Variants in RAB7A observed in about 807,000 individuals in gnomAD.
The protein encoded by RAB7A is ras-related protein Rab-7a.
Under a neutral mutation model 24.5 loss-of-function variants are expected in RAB7A, and 2 were observed. The observed-to-expected ratio is 0.08, with a 90% CI of 0.03 to 0.26. The LOEUF (loss-of-function observed/expected upper bound fraction) is 0.26, where lower values mean the gene tolerates loss of function less well. RAB7A is among the 10% of genes least tolerant of loss of function. The pLI, the probability that RAB7A is intolerant of heterozygous loss-of-function variation, is 1.00. For synonymous variants in RAB7A, 100 were observed against 95.9 expected, an observed-to-expected ratio of 1.04 and a Z score of -0.25; for missense variants, 118 against 255.7, an observed-to-expected ratio of 0.46 and a Z score of 3.67.
At chr3:128,731,726 G>T (rs1004825587) in intron 1 of RAB7A, among the ~76,000 whole-genome samples, 4 of 152,014 alleles carry the variant, frequency 2.6e-5, no homozygotes, top group African/African-American at 9.7e-5. Context: ...TGTATCTTTC[G>T]GCCGGGGGCG....
At chr3:128,756,879 TGTC>T in intron 1 of RAB7A, among the ~76,000 whole-genome samples, 1 of 151,476 alleles carries the variant, frequency 6.6e-6, no homozygotes, top group Non-Finnish European at 1.5e-5. Flanking sequence ...AGTTGCGCTC[TGTC>T]ACCCACGCTG....
At chr3:128,735,909 T>A (rs1010957482) in intron 1 of RAB7A, among the ~76,000 whole-genome samples, 1 of 152,220 alleles carries the variant, frequency 6.6e-6, no homozygotes, top group African/African-American at 2.4e-5. Flanking sequence ...AACTTTTGGC[T>A]TAGTACCTGG....
intron 1 of RAB7A, among the ~76,000 whole-genome samples, chr3:128,742,675 T>C (rs1166515857): frequency 6.6e-6 from 1 of 152,032 alleles, no homozygotes; most frequent in African/African-American, 2.4e-5. Context: ...GATTGGTGCG[T>C]TTACAAACCT....
chr3:128,788,255 A>G (rs956166057), intron 1 of RAB7A, among the ~76,000 whole-genome samples: 2 of 152,248 alleles, frequency 1.3e-5, no homozygotes, highest in Non-Finnish European at 2.9e-5. Flanking sequence ...GCCACAGAGA[A>G]GCTCTTGAAG....
chr3:128,796,233 A>G (rs917616142), intron 2 of RAB7A, among the ~76,000 whole-genome samples: 4 of 152,108 alleles, frequency 2.6e-5, no homozygotes, highest in African/African-American at 7.2e-5. Flanking sequence ...GCTTATGCCC[A>G]TAATCCCAGT....
chr3:128,807,089 G>T (rs1197879748), intron 4 of RAB7A, among the ~76,000 whole-genome samples: 5 of 152,296 alleles, frequency 3.3e-5, no homozygotes, highest in South Asian at 2.1e-4. Flanking sequence ...GCTGAAAATG[G>T]GCTAGGGGTT....
intron 1 of RAB7A, among the ~76,000 whole-genome samples, chr3:128,769,867 C>G (rs1473805773): frequency 1.3e-5 from 2 of 152,158 alleles, no homozygotes; most frequent in Non-Finnish European, 2.9e-5. Flanking sequence ...TGGTTAACAT[C>G]AGGTTACTTT....
chr3:128,787,027 C>T lies in RAB7A; in HGVS notation c.-8-8333C>T, dbSNP rs140238494. ...ACCATTTGAAGGAAAACTAGAAAGA[C>T]ATATACTCTAATACTAATAGTGATT... On this transcript the variant is annotated intron_variant, in intron 1 of 5. Coordinates refer to ENST00000265062, the MANE Select transcript of RAB7A (RefSeq NM_004637.6). Among the ~76,000 whole-genome samples, 430 of 152,264 alleles carry T rather than the reference C, an allele frequency of 2.8e-3. 1 individual carries two copies. The highest frequency in any genetic ancestry group is 9.5e-3 in the African/African-American group (393 of 41,572).
At chr3:128,751,245 C>A (rs2070678318) in intron 1 of RAB7A, among the ~76,000 whole-genome samples, 1 of 152,200 alleles carries the variant, frequency 6.6e-6, no homozygotes, top group South Asian at 2.1e-4. Context: ...CACCATCCTT[C>A]AGACCCCAGA....
intron 1 of RAB7A, chr3:128,764,829 C>T: frequency 1.0e-6 from 1 of 996,480 alleles, no homozygotes; most frequent in Non-Finnish European, 1.6e-6. Context: ...CATGTTCCCT[C>T]TCCTCATGAG....
chr3:128,806,254 C>A, intron 3 of RAB7A, 118 bp from the exon 4 acceptor site: 1 of 827,570 alleles, frequency 1.2e-6, no homozygotes, highest in Non-Finnish European at 1.9e-6. Flanking sequence ...AGTCTGGTGT[C>A]ATTTGTCTTT....
At chr3:128,741,760 T>C (rs2070556456) in intron 1 of RAB7A, among the ~76,000 whole-genome samples, 1 of 152,232 alleles carries the variant, frequency 6.6e-6, no homozygotes, top group African/African-American at 2.4e-5. Flanking sequence ...GCGTCTGTTT[T>C]GTTTTATACG....
intron 5 of RAB7A, 39 bp from the exon 6 acceptor site, chr3:128,813,288 T>C: frequency 6.4e-7 from 1 of 1,574,764 alleles, no homozygotes; most frequent in Non-Finnish European, 8.7e-7. Context: ...AATGTTTCTA[T>C]TCCCTGAGTA....
chr3:128,731,129 T>G (rs1559777229), intron 1 of RAB7A, among the ~76,000 whole-genome samples: 1 of 152,228 alleles, frequency 6.6e-6, no homozygotes, highest in Non-Finnish European at 1.5e-5. Flanking sequence ...TAAAAGTTAC[T>G]TAGTGAAGTA....
chr3:128,787,486 A>G (rs947460732), intron 1 of RAB7A, among the ~76,000 whole-genome samples: 1 of 152,154 alleles, frequency 6.6e-6, no homozygotes, highest in Non-Finnish European at 1.5e-5. Context: ...TGGTACTGCA[A>G]AATGGCATGG....
chr3:128,806,085 A>G (rs1247224588), intron 3 of RAB7A, among the ~76,000 whole-genome samples: 4 of 152,290 alleles, frequency 2.6e-5, no homozygotes, highest in South Asian at 4.1e-4. Flanking sequence ...AATTTTACAC[A>G]CTTACCTACA....
chr3:128,756,389 T>A lies in RAB7A; in HGVS notation c.-9+30030T>A, dbSNP rs926198350. Among the ~76,000 whole-genome samples, 11 of 150,924 alleles carry A rather than the reference T, an allele frequency of 7.3e-5. No individual in the cohort carries two copies. In the East Asian group the frequency reaches 2.1e-3, roughly 29 times the overall value. On this transcript the variant is annotated intron_variant, in intron 1 of 5. Transcript: ENST00000265062. ...AAAAAAAAAAATTAACAATGAACAA[T>A]CTGAAAAGGAAATTAAGAAAGCAGT...
intron 1 of RAB7A, among the ~76,000 whole-genome samples, chr3:128,784,699 C>T (rs774320078): frequency 1.3e-5 from 2 of 152,144 alleles, no homozygotes; most frequent in Non-Finnish European, 2.9e-5. Flanking sequence ...TTCCCTTTTC[C>T]CCCTTCATAT....
At chr3:128,796,905 C>G (rs1234660721) in intron 2 of RAB7A, among the ~76,000 whole-genome samples, 1 of 152,086 alleles carries the variant, frequency 6.6e-6, no homozygotes, top group Admixed American at 6.5e-5. Context: ...CTCAAGCAGT[C>G]CACTCGTCTC....
Sources: gnomAD v4.1 joint callset for allele counts (sites outside exome capture counted in the v4.1 genomes callset) on GRCh38, gnomAD v4.1.1 for gene constraint, MANE v1.5 for transcripts, NCBI Gene and HGNC (gene_info 2026-07-23, HGNC 2026-07-21) for gene names.